Variants in GRIK1 observed in about 807,000 individuals in gnomAD.
GRIK1 encodes glutamate receptor ionotropic, kainate 1.
GRIK1 carries 69 observed loss-of-function variants against 105.7 expected under a neutral mutation model. The observed-to-expected ratio is 0.65, with a 90% CI of 0.54 to 0.80. The LOEUF (loss-of-function observed/expected upper bound fraction) is 0.80. Ranked by LOEUF, GRIK1 falls within the 30% of genes least tolerant of loss-of-function variation. The pLI, the probability that GRIK1 is intolerant of heterozygous loss-of-function variation, is 0.00. For synonymous variants in GRIK1, 438 were observed against 431.3 expected (o/e 1.02, Z -0.19); for missense variants, 1,109 against 1,167.3 (o/e 0.95, Z 0.73).
At chr21:29,629,912 G>A (rs967817123) in intron 7 of GRIK1, among the ~76,000 whole-genome samples, 1 of 152,194 alleles carries the variant, frequency 6.6e-6, no homozygotes, top group Non-Finnish European at 1.5e-5. Context: ...TAAAAGGATT[G>A]AGAGGTGGCC....
intron 4 of GRIK1, among the ~76,000 whole-genome samples, chr21:29,667,693 A>C (rs1188474016): frequency 6.6e-6 from 1 of 152,154 alleles, no homozygotes; most frequent in Non-Finnish European, 1.5e-5. Context: ...CCTGCTGGCC[A>C]TTCTCCAGCT....
intron 1 of GRIK1, among the ~76,000 whole-genome samples, chr21:29,903,951 A>C (rs1269937385): frequency 2.6e-5 from 4 of 152,222 alleles, no homozygotes; most frequent in African/African-American, 4.8e-5. Context: ...GCCATAAAAA[A>C]GGATGAGTTC....
intron 1 of GRIK1, among the ~76,000 whole-genome samples, chr21:29,910,689 C>T (rs935093368): frequency 7.2e-5 from 11 of 152,070 alleles, no homozygotes; most frequent in African/African-American, 1.9e-4. Flanking sequence ...GTCTGGCTTA[C>T]GTAGGCCCTT....
At chr21:29,790,057 A>G (rs1413110243) in intron 1 of GRIK1, among the ~76,000 whole-genome samples, 7 of 152,032 alleles carry the variant, frequency 4.6e-5, no homozygotes, top group Non-Finnish European at 1.0e-4. Context: ...TTATCTATTT[A>G]TTTATTTATT....
intron 1 of GRIK1, among the ~76,000 whole-genome samples, chr21:29,855,799 T>C (rs534620094): frequency 7.2e-5 from 11 of 151,990 alleles, no homozygotes; most frequent in Non-Finnish European, 1.6e-4. Context: ...GGTGAAAAAA[T>C]TAACTGATTG....
At position 29,656,522 on chromosome 21, in the gene GRIK1, A is replaced by T. The variant is rs545987289; in HGVS notation, c.727-1659T>A. On this transcript the variant is annotated intron_variant, in intron 4 of 17. Transcript: ENST00000327783. ...AAGACTCTTAGACACCATCACAGGG[A>T]CATCCTGAATTGGGATTTCTGAGAG... Among the ~76,000 whole-genome samples, 6 of 152,256 alleles carry T rather than the reference A, an allele frequency of 3.9e-5. No individual in the cohort carries two copies. The South Asian group carries it at 1.2e-3, about 32-fold the overall frequency.
At chr21:29,785,986 GTGTGTTTTGGTGT>G (rs1011832513) in intron 1 of GRIK1, among the ~76,000 whole-genome samples, 4 of 152,162 alleles carry the variant, frequency 2.6e-5, no homozygotes, top group African/African-American at 9.7e-5. Flanking sequence ...TCTCTCCTCT[GTGTGTTTTGGTGT>G]TGTTGTTTTG....
At chr21:29,632,700 G>A (rs1408576707) in intron 7 of GRIK1, among the ~76,000 whole-genome samples, 1 of 152,100 alleles carries the variant, frequency 6.6e-6, no homozygotes, top group African/African-American at 2.4e-5. Context: ...AATCAATGTG[G>A]GGTAGAACCA....
intron 9 of GRIK1, among the ~76,000 whole-genome samples, chr21:29,594,080 A>G (rs2061368684): frequency 6.6e-6 from 1 of 152,200 alleles, no homozygotes; most frequent in Admixed American, 6.5e-5. Context: ...AGAGTATCAA[A>G]ATATAGTAAA....
At chr21:29,733,449 T>G (rs374755493) in intron 1 of GRIK1, among the ~76,000 whole-genome samples, 1 of 152,266 alleles carries the variant, frequency 6.6e-6, no homozygotes, top group East Asian at 1.9e-4. Flanking sequence ...GTATCCAGCT[T>G]ATAGTTGAAA....
At chr21:29,798,818 G>A (rs1222226681) in intron 1 of GRIK1, among the ~76,000 whole-genome samples, 2 of 152,166 alleles carry the variant, frequency 1.3e-5, no homozygotes, top group Non-Finnish European at 2.9e-5. Context: ...TTAAACATTG[G>A]TGGGTTAAAA....
intron 1 of GRIK1, among the ~76,000 whole-genome samples, chr21:29,753,181 T>C (rs2065248248): frequency 6.6e-6 from 1 of 152,240 alleles, no homozygotes; most frequent in African/African-American, 2.4e-5. Flanking sequence ...ATAACAATTA[T>C]TAATAGTTAA....
intron 1 of GRIK1, among the ~76,000 whole-genome samples, chr21:29,838,198 C>A (rs902571985): frequency 6.6e-6 from 1 of 152,048 alleles, no homozygotes; most frequent in Non-Finnish European, 1.5e-5. Flanking sequence ...GATTCAGTAG[C>A]GAATATAGTA....
chr21:29,707,908 T>C (rs543115176), intron 1 of GRIK1, among the ~76,000 whole-genome samples: 30 of 152,324 alleles, frequency 2.0e-4, no homozygotes, highest in African/African-American at 7.2e-4. Flanking sequence ...TCCACCCCAC[T>C]TTTTTGGGTA....
intron 1 of GRIK1, among the ~76,000 whole-genome samples, chr21:29,817,116 G>T (rs945417129): frequency 2.6e-5 from 4 of 152,036 alleles, no homozygotes; most frequent in Non-Finnish European, 5.9e-5. Context: ...CCAGAGTAAA[G>T]AAATGCTCAA....
At chr21:29,649,238 TG>T (rs1446280208) in intron 6 of GRIK1, among the ~76,000 whole-genome samples, 1 of 152,190 alleles carries the variant, frequency 6.6e-6, no homozygotes, top group Non-Finnish European at 1.5e-5. Context: ...GCATGACTGT[TG>T]GATACAACTC....
At chr21:29,585,092 C>A (rs768557513) in intron 12 of GRIK1, among the ~76,000 whole-genome samples, 90 of 151,848 alleles carry the variant, frequency 5.9e-4, no homozygotes, top group Admixed American at 1.4e-3. Context: ...ACGTGTGAAC[C>A]AAGACAAGGG....
chr21:29,766,782 C>A (rs567100446), intron 1 of GRIK1, among the ~76,000 whole-genome samples: 11 of 151,848 alleles, frequency 7.2e-5, no homozygotes, highest in Non-Finnish European at 1.3e-4. Context: ...CCCCCAGGGC[C>A]GCATGTACTT....
intron 3 of GRIK1, among the ~76,000 whole-genome samples, chr21:29,674,745 C>A (rs564280757): frequency 2.0e-5 from 3 of 152,270 alleles, no homozygotes; most frequent in South Asian, 2.1e-4. Flanking sequence ...GAGGCCTCCC[C>A]AGCCATGTGG....
Sources: allele counts gnomAD v4.1 joint callset (sites outside exome capture counted in the v4.1 genomes callset), GRCh38; gene constraint gnomAD v4.1.1; transcripts MANE v1.5; gene names NCBI Gene and HGNC (gene_info 2026-07-23, HGNC 2026-07-21).